Variants in KCNH7 observed in about 807,000 individuals in gnomAD.
The protein encoded by KCNH7 is voltage-gated inwardly rectifying potassium channel KCNH7.
KCNH7 carries 49 observed loss-of-function variants against 120.8 expected under a neutral mutation model. That is an observed-to-expected ratio of 0.41 (90% CI 0.32 to 0.51). The LOEUF (loss-of-function observed/expected upper bound fraction) is 0.51, where lower values mean the gene tolerates loss of function less well. Ranked by LOEUF, KCNH7 falls within the 20% of genes least tolerant of loss-of-function variation. The pLI is 0.38. For missense variants in KCNH7, 1,097 were observed against 1,446.6 expected, an observed-to-expected ratio of 0.76 and a Z score of 3.92; for synonymous variants, 547 against 516.1, an observed-to-expected ratio of 1.06 and a Z score of -0.81.
chr2:162,401,151 C>T (rs16846671), intron 9 of KCNH7, among the ~76,000 whole-genome samples: 1 of 151,804 alleles, frequency 6.6e-6, no homozygotes, highest in Non-Finnish European at 1.5e-5. Flanking sequence ...TTTTGACAAC[C>T]TATTCAGGGC....
At chr2:162,808,840 C>T (rs1256458886) in intron 2 of KCNH7, among the ~76,000 whole-genome samples, 1 of 151,944 alleles carries the variant, frequency 6.6e-6, no homozygotes, top group Non-Finnish European at 1.5e-5. Flanking sequence ...CAATAGAAAA[C>T]AAAAGGGAGA....
intron 6 of KCNH7, among the ~76,000 whole-genome samples, chr2:162,491,872 C>A (rs1690321219): frequency 6.6e-6 from 1 of 152,104 alleles, no homozygotes; most frequent in African/African-American, 2.4e-5. Flanking sequence ...CACTGGGATT[C>A]CTTTGGGGAA....
intron 2 of KCNH7, among the ~76,000 whole-genome samples, chr2:162,763,578 T>C (rs1420030470): frequency 6.6e-6 from 1 of 151,874 alleles, no homozygotes; most frequent in African/African-American, 2.4e-5. Flanking sequence ...CCATAGAGAG[T>C]AAACATTCAA....
intron 6 of KCNH7, among the ~76,000 whole-genome samples, chr2:162,485,478 A>T (rs1174755900): frequency 2.0e-5 from 3 of 152,234 alleles, no homozygotes; most frequent in Non-Finnish European, 4.4e-5. Context: ...AGGTAACTTT[A>T]TACTGAACTC....
intron 2 of KCNH7, among the ~76,000 whole-genome samples, chr2:162,682,665 A>C (rs1685752877): frequency 6.6e-6 from 1 of 151,832 alleles, no homozygotes. Flanking sequence ...ATTATACATG[A>C]TTTTACTTTC....
In KCNH7 at chr2:162,641,866, T is replaced by C. The variant is rs187151158; in HGVS notation, c.308-104786A>G. Among the ~76,000 whole-genome samples, 179 of 147,602 alleles carry C rather than the reference T, an allele frequency of 1.2e-3. 1 individual carries two copies. Among genetic ancestry groups the C allele is most frequent in the Middle Eastern group, 3.4e-3 (1 of 294 alleles). On this transcript the variant is annotated intron_variant, in intron 2 of 15. Transcript: ENST00000332142. ...CTTACAACTGCATTTTTTTTATAAT[T>C]ATCCCAGAATAAAAAGCTTAATTTA...
chr2:162,762,429 A>C (rs2105453475), intron 2 of KCNH7, among the ~76,000 whole-genome samples: 1 of 152,108 alleles, frequency 6.6e-6, no homozygotes, highest in East Asian at 1.9e-4. Flanking sequence ...TGTGGAGAGA[A>C]GAATTATGCT....
intron 6 of KCNH7, among the ~76,000 whole-genome samples, chr2:162,491,383 C>T (rs1483627962): frequency 6.6e-6 from 1 of 152,166 alleles, no homozygotes; most frequent in Non-Finnish European, 1.5e-5. Context: ...CTTTGAGAGG[C>T]ATTTTACTAG....
chr2:162,498,891 AG>A (rs1258547954), intron 6 of KCNH7, among the ~76,000 whole-genome samples: 1 of 152,054 alleles, frequency 6.6e-6, no homozygotes, highest in East Asian at 1.9e-4. Context: ...CTCACCCCAA[AG>A]CAGATCTTTC....
At chr2:162,786,192 G>A (rs1454620869) in intron 2 of KCNH7, among the ~76,000 whole-genome samples, 4 of 141,540 alleles carry the variant, frequency 2.8e-5, no homozygotes, top group Non-Finnish European at 4.5e-5. Flanking sequence ...GCAGTGAGCC[G>A]AGATCACACC....
rs543570756 is a variant in KCNH7, at chr2:162,620,977, C to T, written c.308-83897G>A. Among the ~76,000 whole-genome samples the T allele has an allele frequency of 5.9e-5, 9 of 152,136 alleles. No individual in the cohort carries two copies. In the East Asian group the frequency reaches 1.6e-3, roughly 26 times the overall value. On this transcript the variant is annotated intron_variant, in intron 2 of 15. Coordinates refer to ENST00000332142, the MANE Select transcript of KCNH7 (RefSeq NM_033272.4). ...ATAAGCTGGGACTGCCCCAGTAAAT[C>T]GGGACATATGGTCACTGTAAACATA...
intron 2 of KCNH7, among the ~76,000 whole-genome samples, chr2:162,596,412 C>T (rs1481880506): frequency 6.6e-6 from 1 of 151,958 alleles, no homozygotes; most frequent in Non-Finnish European, 1.5e-5. Context: ...TAGCTATGGT[C>T]AATTGATTTT....
intron 2 of KCNH7, among the ~76,000 whole-genome samples, chr2:162,713,574 TA>T (rs1395191986): frequency 4.6e-5 from 7 of 152,144 alleles, no homozygotes; most frequent in Admixed American, 1.3e-4. Context: ...TGAAAGGTAG[TA>T]TATATAAGCA....
At position 162,838,731 on chromosome 2, in the gene KCNH7, T is replaced by TA. The variant is rs944175182; in HGVS notation, c.-214_-213insT. On this transcript the variant is annotated 5_prime_UTR_variant, in exon 1 of 16. Coordinates refer to ENST00000332142, the MANE Select transcript of KCNH7 (RefSeq NM_033272.4). ...TTCCCCTCACCTTCCGGAGGGGGCCTCGCACCGGACTGCCGCGGGTGAGAG... is the reference window on the plus strand; with the variant it reads ...TTCCCCTCACCTTCCGGAGGGGGCCTACGCACCGGACTGCCGCGGGTGAGAG... 2 of 250,984 alleles carry TA rather than the reference T, an allele frequency of 8.0e-6. No individual in the cohort carries two copies. The highest frequency in any genetic ancestry group is 4.7e-5 in the African/African-American group (2 of 42,906). 15.5% of individuals were successfully genotyped at this position (250,984 alleles called of 1,614,324 possible). A position where few individuals can be genotyped will look rare whatever the true frequency, so the allele number is the denominator to read the frequency against.
intron 2 of KCNH7, among the ~76,000 whole-genome samples, chr2:162,818,403 G>A (rs923033865): frequency 2.0e-5 from 3 of 151,866 alleles, no homozygotes; most frequent in Non-Finnish European, 2.9e-5. Flanking sequence ...TATATGTGTG[G>A]ATCTATTTTT....
chr2:162,703,002 T>C (rs1362757287), intron 2 of KCNH7, among the ~76,000 whole-genome samples: 1 of 151,900 alleles, frequency 6.6e-6, no homozygotes, highest in Non-Finnish European at 1.5e-5. Context: ...GTGTAAAGAG[T>C]GTAAAGAGCC....
chr2:162,569,626 T>G (rs1161758633), intron 2 of KCNH7, among the ~76,000 whole-genome samples: 1 of 149,794 alleles, frequency 6.7e-6, no homozygotes, highest in Non-Finnish European at 1.5e-5. Flanking sequence ...GATGTTAGGG[T>G]GTCAATTTTG....
chr2:162,757,632 A>G (rs1204204567), intron 2 of KCNH7, among the ~76,000 whole-genome samples: 2 of 152,148 alleles, frequency 1.3e-5, no homozygotes, highest in African/African-American at 4.8e-5. Flanking sequence ...ACTGCCATGC[A>G]CAGATACTTA....
intron 2 of KCNH7, among the ~76,000 whole-genome samples, chr2:162,650,092 A>T (rs1462273653): frequency 6.6e-6 from 1 of 152,100 alleles, no homozygotes; most frequent in African/African-American, 2.4e-5. Context: ...ATAGATCTTT[A>T]GTTTGATTGT....
Sources: allele counts gnomAD v4.1 joint callset (sites outside exome capture counted in the v4.1 genomes callset), GRCh38; gene constraint gnomAD v4.1.1; transcripts MANE v1.5; gene names NCBI Gene and HGNC (gene_info 2026-07-23, HGNC 2026-07-21).